Variants in GPT2 observed in about 807,000 individuals in gnomAD.
The protein encoded by GPT2 is alanine aminotransferase 2.
GPT2 carries 30 observed loss-of-function variants against 56.9 expected under a neutral mutation model. The observed-to-expected ratio is 0.53, with a 90% CI of 0.39 to 0.72. The LOEUF is 0.72. Ranked by LOEUF, GPT2 falls within the 30% of genes least tolerant of loss-of-function variation. The pLI is 0.00. For synonymous variants in GPT2, 271 were observed against 283.1 expected, an observed-to-expected ratio of 0.96 and a Z score of 0.43; for missense variants, 542 against 703.4, an observed-to-expected ratio of 0.77 and a Z score of 2.60.
At chr16:46,928,451 C>T (rs1021363131) in intron 11 of GPT2, among the ~76,000 whole-genome samples, 3 of 151,892 alleles carry the variant, frequency 2.0e-5, no homozygotes, top group Non-Finnish European at 4.4e-5. Flanking sequence ...GGTGAAACCC[C>T]GTCTCTTCTA....
chr16:46,894,497 C>G lies in GPT2; in HGVS notation c.244-3151C>G, dbSNP rs966634981. ...GGGCCCGTCCCTTTGCACACAGAGG[C>G]TTGGGTAACTGCCCACACCCTCAAC... On this transcript the variant is annotated intron_variant, in intron 2 of 11. Coordinates refer to ENST00000340124, the MANE Select transcript of GPT2 (RefSeq NM_133443.4). Among the ~76,000 whole-genome samples, 4 of 152,170 alleles carry G rather than the reference C, an allele frequency of 2.6e-5. No individual in the cohort carries two copies. The South Asian group carries it at 8.3e-4, about 31-fold the overall frequency.
chr16:46,889,055 A>G (rs1349119983), intron 2 of GPT2, among the ~76,000 whole-genome samples: 4 of 150,588 alleles, frequency 2.7e-5, no homozygotes, highest in Non-Finnish European at 3.0e-5. Context: ...AAAGGATTCC[A>G]TAGCTCTGTC....
intron 9 of GPT2, among the ~76,000 whole-genome samples, chr16:46,923,675 C>T (rs1009497753): frequency 5.9e-5 from 9 of 152,334 alleles, no homozygotes; most frequent in East Asian, 3.9e-4. Flanking sequence ...AAGCCCTGGA[C>T]GGTGACTGTG....
intron 2 of GPT2, among the ~76,000 whole-genome samples, chr16:46,891,787 CTTTTAGCT>C (rs1567332802): frequency 6.6e-6 from 1 of 151,546 alleles, no homozygotes; most frequent in Non-Finnish European, 1.5e-5. Flanking sequence ...TATATATACT[CTTTTAGCT>C]TTTTTTTTTT....
At chr16:46,913,842 G>A (rs915711124) in intron 6 of GPT2, among the ~76,000 whole-genome samples, 7 of 152,152 alleles carry the variant, frequency 4.6e-5, no homozygotes, top group Non-Finnish European at 8.8e-5. Flanking sequence ...GGAAGCTGAG[G>A]TTGGTGGATG....
At chr16:46,920,674 C>T (rs1361708999) in intron 8 of GPT2, among the ~76,000 whole-genome samples, 1 of 152,234 alleles carries the variant, frequency 6.6e-6, no homozygotes, top group Non-Finnish European at 1.5e-5. Context: ...GGAGCAGTCC[C>T]CTTGGGATGG....
In GPT2 at chr16:46,924,483, A is replaced by G; in HGVS notation, c.1307A>G (p.Gln436Arg). 6.2e-7 allele frequency: 1 copy of G among 1,614,222 alleles called. No homozygotes were observed. The highest frequency in any genetic ancestry group is 1.3e-5 in the African/African-American group (1 of 75,064). The change falls in exon 10 of 12, where the codon CAG becomes CGG. Residue 436 changes from glutamine to arginine, a missense_variant. Coordinates refer to ENST00000340124, the MANE Select transcript of GPT2 (RefSeq NM_133443.4). ...QVPGIHCNPL[Q>R]GAMYAFPRIF... ...CCAGGAATTCACTGCAACCCCTTGC[A>G]GGGGGCCATGTACGCCTTCCCTCGG...
intron 6 of GPT2, among the ~76,000 whole-genome samples, chr16:46,914,327 A>G (rs181586599): frequency 5.5e-4 from 84 of 152,334 alleles, no homozygotes; most frequent in African/African-American, 1.9e-3. Flanking sequence ...ACTTGGGGTC[A>G]GGAGTTCAAG....
At chr16:46,922,813 A>T (rs535722465) in intron 9 of GPT2, among the ~76,000 whole-genome samples, 1 of 152,304 alleles carries the variant, frequency 6.6e-6, no homozygotes, top group South Asian at 2.1e-4. Context: ...ACAGCTTGAC[A>T]GGGTCCTCCA....
chr16:46,890,262 T>C (rs1960560505), intron 2 of GPT2, among the ~76,000 whole-genome samples: 1 of 152,218 alleles, frequency 6.6e-6, no homozygotes, highest in African/African-American at 2.4e-5. Flanking sequence ...TGTTTGTCTT[T>C]GGGGCCTCTT....
rs757958564 is a variant in GPT2, at chr16:46,928,847, G to T, written c.1482-60G>T. 1,839 of 1,288,672 alleles carry T rather than the reference G, an allele frequency of 1.4e-3. 4 individuals carry two copies. Among genetic ancestry groups the T allele is most frequent in the Non-Finnish European group, 1.9e-3 (1,701 of 884,542 alleles). The allele number at this position is 1,288,672 out of a possible 1,614,324, so 79.8% of individuals were successfully genotyped here. A position where few individuals can be genotyped will look rare whatever the true frequency, so the allele number is the denominator to read the frequency against. ...ATTCCTAGAGGCAGTTTAGCTGCTG[G>T]ATTCGTTCCTCTCCCATCTTGCAGA... On this transcript the variant is annotated intron_variant, in intron 11 of 11. Coordinates refer to ENST00000340124, the MANE Select transcript of GPT2 (RefSeq NM_133443.4).
chr16:46,902,682 G>A (rs1960841702), intron 4 of GPT2, among the ~76,000 whole-genome samples: 1 of 152,108 alleles, frequency 6.6e-6, no homozygotes, highest in Non-Finnish European at 1.5e-5. Context: ...TGGAAGTGCG[G>A]TGGCACGATC....
At chr16:46,886,379 C>T (rs1034424390) in intron 2 of GPT2, among the ~76,000 whole-genome samples, 1 of 152,168 alleles carries the variant, frequency 6.6e-6, no homozygotes, top group East Asian at 1.9e-4. Flanking sequence ...ATTACCTCTG[C>T]CTTTTGCTAA....
At chr16:46,920,230 G>T (rs1223243294) in intron 8 of GPT2, among the ~76,000 whole-genome samples, 1 of 152,228 alleles carries the variant, frequency 6.6e-6, no homozygotes, top group South Asian at 2.1e-4. Context: ...AGATGAGGAA[G>T]GCTGAGGGTG....
At chr16:46,914,024 A>G (rs1040766321) in intron 6 of GPT2, among the ~76,000 whole-genome samples, 7 of 152,262 alleles carry the variant, frequency 4.6e-5, no homozygotes, top group African/African-American at 1.7e-4. Context: ...AAACAAACAT[A>G]GCCCTTGTTA....
intron 11 of GPT2, among the ~76,000 whole-genome samples, chr16:46,927,786 G>A (rs1383227175): frequency 6.6e-6 from 1 of 152,096 alleles, no homozygotes; most frequent in Admixed American, 6.5e-5. Flanking sequence ...GGCTCATCTC[G>A]GTGGTTGATG....
intron 4 of GPT2, among the ~76,000 whole-genome samples, chr16:46,902,625 G>A (rs1028870546): frequency 1.3e-5 from 2 of 152,000 alleles, no homozygotes; most frequent in Non-Finnish European, 2.9e-5. Flanking sequence ...CTCATCCAGA[G>A]ATTTTATTTA....
chr16:46,923,872 C>T (rs371230247), intron 9 of GPT2: 3 of 252,562 alleles, frequency 1.2e-5, no homozygotes, highest in Admixed American at 1.0e-4. Context: ...TGAGGAATTC[C>T]GTCCAGAGCC....
intron 3 of GPT2, among the ~76,000 whole-genome samples, chr16:46,898,727 T>G (rs1960735701): frequency 6.6e-6 from 1 of 151,462 alleles, no homozygotes; most frequent in Admixed American, 6.6e-5. Context: ...TTTTTGTATT[T>G]TTGGTAGAGA....
Sources: allele counts gnomAD v4.1 joint callset (sites outside exome capture counted in the v4.1 genomes callset), GRCh38; gene constraint gnomAD v4.1.1; transcripts MANE v1.5; gene names NCBI Gene and HGNC (gene_info 2026-07-23, HGNC 2026-07-21).